ATRNL1: variants seen among roughly 807,000 people sequenced by gnomAD.
ATRNL1 encodes attractin-like protein 1.
In ATRNL1, 95 loss-of-function variants were observed where a neutral mutation model predicts 182.7. The observed-to-expected ratio is 0.52, with a 90% CI of 0.44 to 0.62. The LOEUF (loss-of-function observed/expected upper bound fraction) is 0.62, where lower values mean the gene tolerates loss of function less well. Among genes scored for constraint, ATRNL1 ranks in the 20% least tolerant of loss-of-function variants. The pLI is 0.00. For synonymous variants in ATRNL1, 576 were observed against 568.3 expected (o/e 1.01, Z -0.19); for missense variants, 1,471 against 1,679.5 (o/e 0.88, Z 2.17).
intron 26 of ATRNL1, among the ~76,000 whole-genome samples, chr10:115,691,723 A>AAATC (rs201945195): frequency 0.036 from 5,458 of 152,084 alleles, 305 homozygotes; most frequent in African/African-American, 0.12. Flanking sequence ...CCCTGTCTAA[A>AAATC]AATCAATCAA....
intron 27 of ATRNL1, among the ~76,000 whole-genome samples, chr10:115,819,675 C>A (rs1950247399): frequency 6.6e-6 from 1 of 152,008 alleles, no homozygotes; most frequent in African/African-American, 2.4e-5. Flanking sequence ...CTCAGTAGCA[C>A]CCTGTACTTT....
chr10:115,806,867 G>A (rs1949931378), intron 27 of ATRNL1, among the ~76,000 whole-genome samples: 1 of 151,910 alleles, frequency 6.6e-6, no homozygotes, highest in African/African-American at 2.4e-5. Flanking sequence ...CATAGTACCT[G>A]GTATATACAA....
At position 115,281,411 on chromosome 10, in the gene ATRNL1, TA is replaced by T. The variant is rs781911358; in HGVS notation, c.2158del (p.Thr720ProfsTer8). 6.2e-7 allele frequency: 1 copy of T among 1,613,568 alleles called. No homozygotes were observed. The highest frequency in any genetic ancestry group is 8.5e-7 in the Non-Finnish European group (1 of 1,179,668). On this transcript the variant is annotated frameshift_variant, in exon 14 of 29. Transcript: ENST00000355044. LOFTEE classifies it high-confidence loss of function. Reference protein sequence around the residue: ...VRNEQICNKLTSCKSCSLNLN... With the variant: ...VRNEQICNKLXSCKSCSLNLN... ...GAAATGAGCAGATTTGTAACAAACT[TA>T]CCAGCTGTAAAAGCTGTTCACTAAA...
chr10:115,468,327 C>T (rs1174937545), intron 23 of ATRNL1, among the ~76,000 whole-genome samples: 1 of 150,780 alleles, frequency 6.6e-6, no homozygotes, highest in Non-Finnish European at 1.5e-5. Context: ...GTATGCAAGA[C>T]ATCACGTGTT....
chr10:115,266,727 T>C (rs1851623563), intron 11 of ATRNL1, 70 bp from the exon 12 acceptor site: 2 of 873,250 alleles, frequency 2.3e-6, no homozygotes, highest in Non-Finnish European at 1.8e-6. Flanking sequence ...TATGCTTATT[T>C]TTATAACTAA....
chr10:115,147,236 A>G (rs1399858523), intron 5 of ATRNL1, among the ~76,000 whole-genome samples: 5 of 151,998 alleles, frequency 3.3e-5, no homozygotes, highest in Non-Finnish European at 7.4e-5. Context: ...ATGTTAAACT[A>G]TTTTTCATGT....
At chr10:115,678,594 C>T (rs1945943638) in intron 26 of ATRNL1, among the ~76,000 whole-genome samples, 1 of 152,044 alleles carries the variant, frequency 6.6e-6, no homozygotes, top group South Asian at 2.1e-4. Flanking sequence ...TATAATCATT[C>T]TTATGCAAAT....
intron 20 of ATRNL1, among the ~76,000 whole-genome samples, chr10:115,417,910 CT>C (rs1845473182): frequency 6.6e-6 from 1 of 152,132 alleles, no homozygotes; most frequent in Non-Finnish European, 1.5e-5. Flanking sequence ...AGTCAGTCCC[CT>C]TAGAAACTCT....
intron 1 of ATRNL1, among the ~76,000 whole-genome samples, chr10:115,117,826 A>AAC (rs1375328821): frequency 6.6e-6 from 1 of 152,126 alleles, no homozygotes; most frequent in Non-Finnish European, 1.5e-5. Flanking sequence ...AAACAGTATA[A>AAC]GAGGGTTCCC....
At chr10:115,284,812 T>G (rs2133934658) in intron 14 of ATRNL1, among the ~76,000 whole-genome samples, 1 of 152,270 alleles carries the variant, frequency 6.6e-6, no homozygotes, top group East Asian at 1.9e-4. Context: ...TACAAAAATA[T>G]AAAACAATAA....
chr10:115,751,471 T>C (rs1389698113), intron 27 of ATRNL1, among the ~76,000 whole-genome samples: 1 of 152,038 alleles, frequency 6.6e-6, no homozygotes, highest in Non-Finnish European at 1.5e-5. Context: ...GCACTTTCAT[T>C]TATTGTTGGG....
chr10:115,899,217 T>C (rs1232357088), intron 28 of ATRNL1, among the ~76,000 whole-genome samples: 1 of 152,186 alleles, frequency 6.6e-6, no homozygotes, highest in Admixed American at 6.5e-5. Flanking sequence ...TTCCCATCTA[T>C]GAGTGAGAAC....
intron 19 of ATRNL1, among the ~76,000 whole-genome samples, chr10:115,335,701 A>G (rs1486377416): frequency 6.6e-6 from 1 of 152,194 alleles, no homozygotes; most frequent in African/African-American, 2.4e-5. Context: ...CATAAAACTG[A>G]TGCATATCCT....
chr10:115,676,689 T>A (rs12252900), intron 26 of ATRNL1, among the ~76,000 whole-genome samples: 1,767 of 151,908 alleles, frequency 0.012, 33 homozygotes, highest in African/African-American at 0.04. Flanking sequence ...TGTATTTTTT[T>A]AAAAAAAGAT....
intron 26 of ATRNL1, among the ~76,000 whole-genome samples, chr10:115,559,658 A>G (rs1468772485): frequency 6.6e-6 from 1 of 152,202 alleles, no homozygotes; most frequent in African/African-American, 2.4e-5. Context: ...TCACATGAGA[A>G]TCTCAATAGA....
At chr10:115,203,908 A>G (rs1348755915) in intron 8 of ATRNL1, among the ~76,000 whole-genome samples, 2 of 151,694 alleles carry the variant, frequency 1.3e-5, no homozygotes, top group Non-Finnish European at 2.9e-5. Flanking sequence ...AGATTGGGTC[A>G]ACTTTAAAAT....
intron 5 of ATRNL1, among the ~76,000 whole-genome samples, chr10:115,137,188 AT>A (rs199952645): frequency 6.6e-6 from 1 of 152,172 alleles, no homozygotes; most frequent in East Asian, 1.9e-4. Context: ...ATGAAAATCC[AT>A]CTCAAAAAAA....
chr10:115,250,613 AGAACACAAAGAGGCCTACCAGATG>A (rs1471962316), intron 10 of ATRNL1, among the ~76,000 whole-genome samples: 1 of 152,212 alleles, frequency 6.6e-6, no homozygotes, highest in South Asian at 2.1e-4. Flanking sequence ...TGCTGCCTTT[AGAACACAAAGAGGCCTACCAGATG>A]GTTTGCTTTC....
intron 28 of ATRNL1, among the ~76,000 whole-genome samples, chr10:115,931,895 T>A (rs1342612358): frequency 6.6e-6 from 1 of 152,160 alleles, no homozygotes; most frequent in African/African-American, 2.4e-5. Context: ...TCTATGAGAA[T>A]TCTCTTTGTA....
Sources: allele counts gnomAD v4.1 joint callset (sites outside exome capture counted in the v4.1 genomes callset), GRCh38; gene constraint gnomAD v4.1.1; transcripts MANE v1.5; gene names NCBI Gene and HGNC (gene_info 2026-07-23, HGNC 2026-07-21).